Variants in CDX1 observed in about 807,000 individuals in gnomAD.
CDX1 encodes caudal type homeobox 1.
CDX1 carries 9 observed loss-of-function variants against 16.9 expected under a neutral mutation model. The observed-to-expected ratio is 0.53, with a 90% CI of 0.32 to 0.93. The LOEUF (loss-of-function observed/expected upper bound fraction) is 0.93, where lower values mean the gene tolerates loss of function less well. Ranked by LOEUF, CDX1 falls within the 40% of genes least tolerant of loss-of-function variation. The probability of loss-of-function intolerance (pLI) is 0.04; values close to 1 mark genes in which losing one functional copy is unlikely to be tolerated. For missense variants in CDX1, 393 were observed against 386.1 expected, an observed-to-expected ratio of 1.02 and a Z score of -0.15; for synonymous variants, 179 against 179.0, an observed-to-expected ratio of 1.00 and a Z score of 0.00.
rs1237752154 is a variant in CDX1, at chr5:150,166,974, C to G, written c.98C>G (p.Pro33Arg). The change falls in exon 1 of 3, where the codon CCG (proline) becomes CGG (arginine). Residue 33 changes from proline (P) to arginine (R), a missense_variant. Pro to Arg is a moderately radical substitution (Grantham distance 103, BLOSUM62 -2). Transcript: ENST00000231656. Reference protein sequence around the residue: ...LGLGPQAYGPPAPPPAPPQYP... With the variant: ...LGLGPQAYGPRAPPPAPPQYP... Reference sequence around the variant, plus strand: ...CTGGGCCCGCAAGCCTACGGCCCCCCGGCCCCGCCCCCGGCGCCCCCGCAG... The same window carrying G: ...CTGGGCCCGCAAGCCTACGGCCCCCGGGCCCCGCCCCCGGCGCCCCCGCAG... The G allele has an allele frequency of 6.9e-7, 1 of 1,456,044 alleles. No homozygotes were observed. The highest frequency in any genetic ancestry group is 2.6e-5 in the Admixed American group (1 of 38,240). The allele number at this position is 1,456,044 out of a possible 1,614,324, so 90.2% of individuals were successfully genotyped here. A position where few individuals can be genotyped will look rare whatever the true frequency, so the allele number is the denominator to read the frequency against.
chr5:150,183,263 G>T (rs1440984167), intron 2 of CDX1, among the ~76,000 whole-genome samples: 1 of 152,128 alleles, frequency 6.6e-6, no homozygotes, highest in Non-Finnish European at 1.5e-5. Flanking sequence ...AGAGGGGGAA[G>T]GTTACAAAGA....
At chr5:150,176,584 G>T (rs957945618) in intron 1 of CDX1, among the ~76,000 whole-genome samples, 1 of 152,200 alleles carries the variant, frequency 6.6e-6, no homozygotes, top group South Asian at 2.1e-4. Context: ...GGCAGGGGGG[G>T]CCAGGAGGTC....
intron 2 of CDX1, 28 bp downstream of exon 2, chr5:150,182,941 A>G (rs1349220634): frequency 6.3e-7 from 1 of 1,587,908 alleles, no homozygotes. Context: ...TCTCAGCCAT[A>G]GGAGCAGTGC....
At position 150,183,680 on chromosome 5, in the gene CDX1, GC is replaced by G; in HGVS notation, c.*4del. On this transcript the variant is annotated 3_prime_UTR_variant, in exon 3 of 3. Coordinates refer to ENST00000231656, the MANE Select transcript of CDX1 (RefSeq NM_001804.3). ...CTGTGAAAGAGGAGTTTCTGCCATA[GC>G]CCCATGCCCAGCCTGTGCGCCGGGG... 6.4e-7 allele frequency: 1 copy of G among 1,560,678 alleles called. No individual in the cohort carries two copies. Among genetic ancestry groups the G allele is most frequent in the Non-Finnish European group, 8.7e-7 (1 of 1,149,858 alleles).
In CDX1 at chr5:150,184,012, G is replaced by A. The variant is rs1752513415; in HGVS notation, c.*332G>A. 1 of 230,694 alleles carries A rather than the reference G, an allele frequency of 4.3e-6. No individual in the cohort carries two copies. 14.3% of individuals were successfully genotyped at this position (230,694 alleles called of 1,614,324 possible). On this transcript the variant is annotated 3_prime_UTR_variant, in exon 3 of 3. Coordinates refer to ENST00000231656, the MANE Select transcript of CDX1 (RefSeq NM_001804.3). ...CACCTCCTCCTCCATACGTTCAGAG[G>A]TGCAGCTGGAGGCTGCTGTGGGGAC...
At chr5:150,174,384 C>T (rs1018629168) in intron 1 of CDX1, among the ~76,000 whole-genome samples, 2 of 152,246 alleles carry the variant, frequency 1.3e-5, no homozygotes, top group African/African-American at 2.4e-5. Context: ...GTCTTGGGCT[C>T]AGGGTGCCCC....
Position 150,182,074 on chromosome 5 carries a change from C to T in CDX1, c.446-694C>T, listed in dbSNP as rs544173505. 3.9e-5 allele frequency among the ~76,000 whole-genome samples: 6 copies of T among 152,306 alleles called. No individual in the cohort carries two copies. The South Asian group carries it at 1.0e-3, about 26-fold the overall frequency. On this transcript the variant is annotated intron_variant, in intron 1 of 2. Coordinates refer to ENST00000231656, the MANE Select transcript of CDX1 (RefSeq NM_001804.3). ...CCTCCCTGTCTGATGTTGAGGCCAT[C>T]CCCAGGCATTCGGCAAGAACTAGGG... is the stretch of plus-strand genomic sequence containing the variant.
chr5:150,178,339 G>A (rs773738274), intron 1 of CDX1, among the ~76,000 whole-genome samples: 5 of 152,184 alleles, frequency 3.3e-5, no homozygotes, highest in Non-Finnish European at 7.3e-5. Flanking sequence ...GAGCTGAGGG[G>A]GCTCCCCATT....
chr5:150,176,596 G>C (rs913605184), intron 1 of CDX1, among the ~76,000 whole-genome samples: 2 of 152,162 alleles, frequency 1.3e-5, no homozygotes, highest in African/African-American at 4.8e-5. Context: ...CAGGAGGTCT[G>C]ATCTTTAAGG....
At chr5:150,173,527 C>T (rs1009885546) in intron 1 of CDX1, among the ~76,000 whole-genome samples, 1 of 152,244 alleles carries the variant, frequency 6.6e-6, no homozygotes, top group Admixed American at 6.5e-5. Flanking sequence ...CCTCACCTCA[C>T]CAGTCGGTTT....
intron 1 of CDX1, among the ~76,000 whole-genome samples, chr5:150,173,066 A>G (rs914369292): frequency 6.6e-6 from 1 of 152,142 alleles, no homozygotes; most frequent in Admixed American, 6.5e-5. Context: ...GGCACCCCAC[A>G]TGGATCCCCC....
Position 150,184,219 on chromosome 5 carries a change from G to A in CDX1, c.*539G>A, listed in dbSNP as rs2113956326. On this transcript the variant is annotated 3_prime_UTR_variant, in exon 3 of 3. Transcript: ENST00000231656. The stretch of plus-strand genomic sequence containing the variant: ...CTGGATACTAAGCACAAAGCCCATA[G>A]CACTGGGCTCTGATGGCTGCTCCAC... 6.6e-6 allele frequency: 1 copy of A among 152,426 alleles called. No homozygotes were observed. The highest frequency in any genetic ancestry group is 2.4e-5 in the African/African-American group (1 of 41,578). The allele number at this position is 152,426 out of a possible 1,614,324, so 9.4% of individuals were successfully genotyped here.
In CDX1 at chr5:150,184,434, G is replaced by C. The variant is rs1484622622; in HGVS notation, c.*754G>C. 1 of 152,252 alleles carries C rather than the reference G, an allele frequency of 6.6e-6. No homozygotes were observed. The highest frequency in any genetic ancestry group is 2.4e-5 in the African/African-American group (1 of 41,478). 9.4% of individuals were successfully genotyped at this position (152,252 alleles called of 1,614,324 possible). ...ACCAAGCAGAGCTCACAGCTGGACA[G>C]GTGTTGTATATAGAGTGGAATCTCT... On this transcript the variant is annotated 3_prime_UTR_variant, in exon 3 of 3. Transcript: ENST00000231656.
chr5:150,167,119 G>A lies in CDX1; in HGVS notation c.243G>A (p.Ala81=). 1 of 1,335,426 alleles carries A rather than the reference G, an allele frequency of 7.5e-7. No homozygotes were observed. The highest frequency in any genetic ancestry group is 9.5e-7 in the Non-Finnish European group (1 of 1,051,966). The allele number at this position is 1,335,426 out of a possible 1,614,324, so 82.7% of individuals were successfully genotyped here. ...CCGCCGCCTACGGCCCGGGCCCCGC[G>A]GCCCCTGCCGCCAGCCCAGCTTCGC... ...DWAAAYGPGP[A]APAASPASLA... The change falls in exon 1 of 3, where the codon GCG becomes GCA. Residue 81 remains alanine (A), a synonymous_variant. Transcript: ENST00000231656.
intron 1 of CDX1, among the ~76,000 whole-genome samples, chr5:150,181,224 C>A (rs572071869): frequency 6.6e-6 from 1 of 152,268 alleles, no homozygotes; most frequent in South Asian, 2.1e-4. Context: ...ACTTGCTGTT[C>A]CCTCTGCCTA....
chr5:150,170,360 T>C (rs1444505379), intron 1 of CDX1, among the ~76,000 whole-genome samples: 1 of 152,208 alleles, frequency 6.6e-6, no homozygotes, highest in Non-Finnish European at 1.5e-5. Context: ...CACTTGTTTG[T>C]ATGTTGTCCA....
rs1310457428 is a variant in CDX1, at chr5:150,166,811, C to T, written c.-66C>T. The T allele has an allele frequency of 8.4e-6, 10 of 1,193,944 alleles. No homozygotes were observed. In the East Asian group the frequency reaches 2.9e-4, roughly 35 times the overall value. 74.0% of individuals were successfully genotyped at this position (1,193,944 alleles called of 1,614,324 possible). On this transcript the variant is annotated 5_prime_UTR_variant, in exon 1 of 3. Transcript: ENST00000231656. ...AGCCGAGTTCAGGTGAGCGGTTGCT[C>T]GTCGTCGGGGCGGCCGGCAGCGGCG...
chr5:150,171,503 T>A (rs2113948944), intron 1 of CDX1, among the ~76,000 whole-genome samples: 1 of 152,274 alleles, frequency 6.6e-6, no homozygotes, highest in East Asian at 1.9e-4. Flanking sequence ...GCCCGGCTAA[T>A]TTTTTTGTAT....
In CDX1 at chr5:150,183,459, C is replaced by T. The variant is rs375319281; in HGVS notation, c.592-15C>T. On this transcript the variant is annotated splice_polypyrimidine_tract_variant and intron_variant, in intron 2 of 2. Coordinates refer to ENST00000231656, the MANE Select transcript of CDX1 (RefSeq NM_001804.3). ...TCCCTGCTGCCCACTCCATCTCTGT[C>T]CTCCAACCCCACAGGTGAAGATCTG... 495 of 1,584,008 alleles carry T rather than the reference C, an allele frequency of 3.1e-4. No individual in the cohort carries two copies. The highest frequency in any genetic ancestry group is 4.0e-4 in the Non-Finnish European group (464 of 1,162,120).
Sources: gnomAD v4.1 joint callset for allele counts (sites outside exome capture counted in the v4.1 genomes callset) on GRCh38, gnomAD v4.1.1 for gene constraint, MANE v1.5 for transcripts, NCBI Gene and HGNC (gene_info 2026-07-23, HGNC 2026-07-21) for gene names.